ADAM18: variants seen among roughly 807,000 people sequenced by gnomAD.
ADAM18 encodes disintegrin and metalloproteinase domain-containing protein 18.
ADAM18 carries 117 observed loss-of-function variants against 94.4 expected under a neutral mutation model. That is an observed-to-expected ratio of 1.24 (90% CI 1.07 to 1.45). ADAM18 has a LOEUF of 1.45. ADAM18 is among the 40% of genes most tolerant of loss of function. ADAM18 has a pLI of 0.00. For missense variants in ADAM18, 936 were observed against 880.0 expected, an observed-to-expected ratio of 1.06 and a Z score of -0.81; for synonymous variants, 327 against 291.6, an observed-to-expected ratio of 1.12 and a Z score of -1.24.
At chr8:39,693,104 C>T (rs1467992038) in intron 17 of ADAM18, among the ~76,000 whole-genome samples, 1 of 151,358 alleles carries the variant, frequency 6.6e-6, no homozygotes, top group East Asian at 1.9e-4. Context: ...ACGCAAAAAG[C>T]TTTTTTTATT....
intron 6 of ADAM18, among the ~76,000 whole-genome samples, chr8:39,627,047 T>C (rs1819789627): frequency 6.6e-6 from 1 of 152,110 alleles, no homozygotes; most frequent in Non-Finnish European, 1.5e-5. Flanking sequence ...ATAGGACTAG[T>C]AGTCATTGTT....
chr8:39,622,143 T>TATTTTTA (rs1819633238), intron 6 of ADAM18, among the ~76,000 whole-genome samples: 1 of 152,006 alleles, frequency 6.6e-6, no homozygotes, highest in African/African-American at 2.4e-5. Flanking sequence ...TTCCAACTTT[T>TATTTTTA]ATTTTTAACT....
chr8:39,696,743 A>C (rs1203826294), intron 17 of ADAM18, among the ~76,000 whole-genome samples: 1 of 151,530 alleles, frequency 6.6e-6, no homozygotes, highest in Non-Finnish European at 1.5e-5. Context: ...TTCATGCCAA[A>C]CCACATTGTT....
At chr8:39,699,141 A>G (rs1182185859) in intron 17 of ADAM18, among the ~76,000 whole-genome samples, 1 of 152,112 alleles carries the variant, frequency 6.6e-6, no homozygotes, top group Non-Finnish European at 1.5e-5. Flanking sequence ...CCAAATTGGT[A>G]AGGGCCTCTT....
chr8:39,621,827 A>G (rs1019108428), intron 6 of ADAM18, among the ~76,000 whole-genome samples: 1 of 152,220 alleles, frequency 6.6e-6, no homozygotes, highest in Non-Finnish European at 1.5e-5. Flanking sequence ...AAGCAGGAAC[A>G]GAAAACCAAA....
intron 19 of ADAM18, 179 bp downstream of exon 19, chr8:39,724,086 A>C: frequency 4.6e-6 from 2 of 434,646 alleles, no homozygotes; most frequent in Non-Finnish European, 3.8e-6. Context: ...GGCAAGCCAA[A>C]ATTCTCAATG....
chr8:39,699,427 G>T (rs1015212646), intron 17 of ADAM18, among the ~76,000 whole-genome samples: 2 of 151,568 alleles, frequency 1.3e-5, no homozygotes, highest in African/African-American at 2.4e-5. Context: ...TGAATGAATC[G>T]TATTAGTGAA....
At chr8:39,705,009 C>A (rs947919206) in intron 17 of ADAM18, among the ~76,000 whole-genome samples, 2 of 152,046 alleles carry the variant, frequency 1.3e-5, no homozygotes, top group Admixed American at 6.6e-5. Context: ...ATATTGATAT[C>A]AAAATGCAAA....
intron 2 of ADAM18, among the ~76,000 whole-genome samples, chr8:39,597,727 G>T (rs1161257431): frequency 6.6e-6 from 1 of 152,054 alleles, no homozygotes; most frequent in Non-Finnish European, 1.5e-5. Flanking sequence ...CTCCAACTTT[G>T]TATTTCTCTT....
intron 6 of ADAM18, chr8:39,611,507 G>A (rs1483110887): frequency 1.0e-6 from 1 of 984,520 alleles, no homozygotes; most frequent in African/African-American, 1.8e-5. Context: ...TTTAAAATTT[G>A]TCTCGATTTT....
intron 18 of ADAM18, among the ~76,000 whole-genome samples, chr8:39,715,413 G>A (rs1194655144): frequency 6.6e-6 from 1 of 150,666 alleles, no homozygotes; most frequent in African/African-American, 2.4e-5. Flanking sequence ...ACTAGGGAAA[G>A]AAGGTTAAAG....
intron 14 of ADAM18, among the ~76,000 whole-genome samples, chr8:39,674,194 C>T (rs1338684475): frequency 5.9e-5 from 9 of 152,098 alleles, no homozygotes; most frequent in East Asian, 5.8e-4. Context: ...CCTTCTGTCT[C>T]GTTGATCTGT....
At chr8:39,607,078 T>C (rs747395468) in intron 3 of ADAM18, among the ~76,000 whole-genome samples, 5 of 152,218 alleles carry the variant, frequency 3.3e-5, no homozygotes, top group East Asian at 1.9e-4. Context: ...ATTTTTATGA[T>C]ATGCTGATTA....
At chr8:39,700,248 T>C (rs988277352) in intron 17 of ADAM18, among the ~76,000 whole-genome samples, 1 of 152,144 alleles carries the variant, frequency 6.6e-6, no homozygotes, top group Non-Finnish European at 1.5e-5. Context: ...AAAAAGAATG[T>C]TGTTGAAGCT....
At chr8:39,697,256 A>T (rs927765183) in intron 17 of ADAM18, among the ~76,000 whole-genome samples, 9 of 151,576 alleles carry the variant, frequency 5.9e-5, no homozygotes, top group Non-Finnish European at 1.0e-4. Context: ...TTAGTCTAAG[A>T]TGTTTTTGTG....
At chr8:39,623,059 C>A (rs1819658951) in intron 6 of ADAM18, among the ~76,000 whole-genome samples, 1 of 152,094 alleles carries the variant, frequency 6.6e-6, no homozygotes. Flanking sequence ...CTCCAATTTC[C>A]ATGATACCAC....
chr8:39,714,917 G>C (rs1403157140), intron 18 of ADAM18, among the ~76,000 whole-genome samples: 1 of 152,056 alleles, frequency 6.6e-6, no homozygotes, highest in African/African-American at 2.4e-5. Context: ...CTTGCAGACA[G>C]ACAATGTTAA....
intron 10 of ADAM18, among the ~76,000 whole-genome samples, chr8:39,642,880 G>A (rs1563287970): frequency 1.3e-5 from 2 of 152,096 alleles, no homozygotes; most frequent in Non-Finnish European, 2.9e-5. Context: ...TGGGCAGCAT[G>A]ACCATTTTAA....
At chr8:39,602,274 G>A (rs560429355) in intron 2 of ADAM18, among the ~76,000 whole-genome samples, 52 of 152,070 alleles carry the variant, frequency 3.4e-4, no homozygotes, top group South Asian at 2.1e-3. Context: ...AGTATTTTTT[G>A]TAATGGTTGC....
Sources: allele counts gnomAD v4.1 joint callset (sites outside exome capture counted in the v4.1 genomes callset), GRCh38; gene constraint gnomAD v4.1.1; transcripts MANE v1.5; gene names NCBI Gene and HGNC (gene_info 2026-07-23, HGNC 2026-07-21).